REXO5: variants seen among roughly 807,000 people sequenced by gnomAD.
The protein encoded by REXO5 is RNA exonuclease 5, also known as exonuclease NEF-sp.
Under a neutral mutation model 88.5 loss-of-function variants are expected in REXO5, and 48 were observed. That is an observed-to-expected ratio of 0.54 (90% CI 0.43 to 0.69). The LOEUF (loss-of-function observed/expected upper bound fraction) is 0.69, where lower values mean the gene tolerates loss of function less well. Ranked by LOEUF, REXO5 falls within the 30% of genes least tolerant of loss-of-function variation. The probability of loss-of-function intolerance (pLI) is 0.00; values close to 1 mark genes in which losing one functional copy is unlikely to be tolerated. For missense variants in REXO5, 749 were observed against 912.2 expected, an observed-to-expected ratio of 0.82 and a Z score of 2.30; for synonymous variants, 311 against 336.5, an observed-to-expected ratio of 0.92 and a Z score of 0.83.
intron 5 of REXO5, among the ~76,000 whole-genome samples, chr16:20,817,796 C>G (rs112413761): frequency 1.3e-5 from 2 of 152,142 alleles, no homozygotes; most frequent in African/African-American, 4.8e-5. Flanking sequence ...CCAAGTTTAC[C>G]TATTAGTTTT....
intron 6 of REXO5, among the ~76,000 whole-genome samples, chr16:20,822,281 C>G (rs1235239011): frequency 2.0e-5 from 3 of 152,096 alleles, no homozygotes; most frequent in Non-Finnish European, 4.4e-5. Flanking sequence ...CCACACTGCC[C>G]CCATATTTCT....
At chr16:20,825,745 C>A in intron 7 of REXO5, 88 bp from the exon 8 acceptor site, 1 of 875,756 alleles carries the variant, frequency 1.1e-6, no homozygotes, top group Non-Finnish European at 1.8e-6. Flanking sequence ...TGGTAGATTA[C>A]AGTAGATGGC....
At chr16:20,831,058 G>C (rs913178759) in intron 11 of REXO5, among the ~76,000 whole-genome samples, 14 of 145,026 alleles carry the variant, frequency 9.7e-5, no homozygotes, top group Non-Finnish European at 6.0e-5. Context: ...GGAACTCCTG[G>C]GCTCAAGGGA....
In REXO5 at chr16:20,828,506, C is replaced by T. The variant is rs779349625; in HGVS notation, c.1127C>T (p.Ala376Val). Residue 376 changes from alanine to valine, a missense_variant, in exon 11 of 20, where the codon GCT (alanine) becomes GTT (valine). By Grantham distance (64) the Ala-to-Val change is moderately conservative. Transcript: ENST00000261377. Reference protein sequence around the residue: ...TEDARTILELARYFLKHGPKK... With the variant: ...TEDARTILELVRYFLKHGPKK... ...GATGCTAGAACAATCCTTGAATTGG[C>T]TCGGTATTTCCTTAAGCATGGCCCA... 1.9e-6 allele frequency: 3 copies of T among 1,613,858 alleles called. No homozygotes were observed. Among genetic ancestry groups the T allele is most frequent in the Non-Finnish European group, 1.7e-6 (2 of 1,179,796 alleles).
chr16:20,820,050 G>C (rs909210099), intron 5 of REXO5, among the ~76,000 whole-genome samples: 3 of 152,102 alleles, frequency 2.0e-5, no homozygotes, highest in Non-Finnish European at 4.4e-5. Context: ...CATGCACCCA[G>C]CCTCTACTCC....
At chr16:20,833,380 C>G (rs1291686069) in intron 13 of REXO5, among the ~76,000 whole-genome samples, 2 of 152,144 alleles carry the variant, frequency 1.3e-5, no homozygotes, top group East Asian at 3.8e-4. Context: ...TGTTGTGTTT[C>G]TGGTTCATGG....
chr16:20,815,011 G>A lies in REXO5; in HGVS notation c.336G>A (p.Arg112=). Reference sequence around the variant, plus strand: ...GAATGAGTCAGCTACACTTTTACAGGTTCTATTTGGAGTTTGGATGTCTTC... The same window carrying A: ...GAATGAGTCAGCTACACTTTTACAGATTCTATTTGGAGTTTGGATGTCTTC... ...LQGMSQLHFY[R]FYLEFGCLRK... Residue 112 remains arginine (R), a synonymous_variant, in exon 4 of 20, where the codon AGG becomes AGA. Transcript: ENST00000261377. The A allele has an allele frequency of 6.2e-7, 1 of 1,613,600 alleles. No homozygotes were observed. Among genetic ancestry groups the A allele is most frequent in the Non-Finnish European group, 8.5e-7 (1 of 1,179,912 alleles).
At chr16:20,809,710 A>C (rs533867508) in intron 2 of REXO5, among the ~76,000 whole-genome samples, 1 of 152,270 alleles carries the variant, frequency 6.6e-6, no homozygotes, top group African/African-American at 2.4e-5. Flanking sequence ...AGTTCTCTAA[A>C]GTTATCTTTT....
chr16:20,836,316 A>AT (rs936378756), intron 13 of REXO5, among the ~76,000 whole-genome samples: 35 of 149,832 alleles, frequency 2.3e-4, no homozygotes, highest in South Asian at 8.4e-4. Flanking sequence ...GAAACCACTG[A>AT]TTTTTTTTTT....
intron 4 of REXO5, among the ~76,000 whole-genome samples, chr16:20,815,686 A>G (rs982091536): frequency 6.6e-6 from 1 of 152,214 alleles, no homozygotes; most frequent in Non-Finnish European, 1.5e-5. Context: ...TACATGAGAA[A>G]CTGAGTAACT....
intron 8 of REXO5, 29 bp downstream of exon 8, chr16:20,825,977 T>G: frequency 1.1e-5 from 15 of 1,413,612 alleles, no homozygotes; most frequent in Non-Finnish European, 1.5e-5. Flanking sequence ...GCAGCTCTTC[T>G]AAGAGCTATC....
intron 7 of REXO5, 178 bp from the exon 8 acceptor site, chr16:20,825,655 A>G (rs2081249512): frequency 1.7e-6 from 1 of 578,538 alleles, no homozygotes. Context: ...TAAGTGTAAC[A>G]TTCAGCAGCC....
At chr16:20,813,395 A>T in intron 3 of REXO5, 93 bp downstream of exon 3, 1 of 755,084 alleles carries the variant, frequency 1.3e-6, no homozygotes. Context: ...TTCAAACCAG[A>T]GGTTTCAAAC....
At chr16:20,813,356 T>TTTTTTTG (rs2081031744) in intron 3 of REXO5, 54 bp downstream of exon 3, 1 of 942,796 alleles carries the variant, frequency 1.1e-6, no homozygotes, top group East Asian at 2.5e-5. Flanking sequence ...TTTTTTTTTT[T>TTTTTTTG]TTTTTTTTAC....
chr16:20,814,794 C>T (rs112779176), intron 3 of REXO5, 133 bp from the exon 4 acceptor site: 19 of 813,888 alleles, frequency 2.3e-5, no homozygotes, highest in East Asian at 1.2e-4. Context: ...TCCAGGCAGA[C>T]GGTGAATGGT....
chr16:20,833,070 GAACTTCC>G lies in REXO5; in HGVS notation c.1332_1338del (p.Glu444AspfsTer48). On this transcript the variant is annotated frameshift_variant, in exon 13 of 20. Coordinates refer to ENST00000261377, the MANE Select transcript of REXO5 (RefSeq NM_030941.3). LOFTEE classifies it high-confidence loss of function. ...TTTGACCCGGGAGACAGATGCTGGTGAACTTCCATCTTCCAGAAATTGTCAAACTATT... is the reference window on the plus strand; with the variant it reads ...TTTGACCCGGGAGACAGATGCTGGTGATCTTCCAGAAATTGTCAAACTATT... 5.6e-6 allele frequency: 9 copies of G among 1,613,612 alleles called. No individual in the cohort carries two copies. The highest frequency in any genetic ancestry group is 7.6e-6 in the Non-Finnish European group (9 of 1,179,588).
rs996564988 is a variant in REXO5 at position 20,822,538 on chromosome 16, T to C, written c.616+636T>C. On this transcript the variant is annotated intron_variant, in intron 6 of 19. Transcript: ENST00000261377. Reference sequence around the variant, plus strand: ...GCCATCACCACAATTTTAGAACACTTCTATCATCCCAAAAGAAACCCTGTA... The same window carrying C: ...GCCATCACCACAATTTTAGAACACTCCTATCATCCCAAAAGAAACCCTGTA... Among the ~76,000 whole-genome samples the C allele has an allele frequency of 3.3e-5, 5 of 152,224 alleles. No homozygotes were observed. In the East Asian group the frequency reaches 7.7e-4, roughly 23 times the overall value.
At chr16:20,820,945 C>T (rs1315168265) in intron 5 of REXO5, 1 of 146,396 alleles carries the variant, frequency 6.8e-6, no homozygotes. Context: ...CCTCTGAGAA[C>T]ATGTCTTGAT....
intron 11 of REXO5, among the ~76,000 whole-genome samples, 176 bp downstream of exon 11, chr16:20,828,713 G>C (rs1347825968): frequency 2.0e-5 from 3 of 152,084 alleles, no homozygotes; most frequent in Non-Finnish European, 4.4e-5. Flanking sequence ...CAGATCACCA[G>C]GTCAGGAGTT....
Sources: gnomAD v4.1 joint callset for allele counts (sites outside exome capture counted in the v4.1 genomes callset) on GRCh38, gnomAD v4.1.1 for gene constraint, MANE v1.5 for transcripts, NCBI Gene and HGNC (gene_info 2026-07-23, HGNC 2026-07-21) for gene names.